The following NPAS3 variants were observed in gnomAD, a reference collection of about 807,000 sequenced individuals.
NPAS3 encodes neuronal PAS domain-containing protein 3.
In NPAS3, 14 loss-of-function variants were observed where a neutral mutation model predicts 73.1. That is an observed-to-expected ratio of 0.19 (90% CI 0.13 to 0.30). The LOEUF is 0.30. NPAS3 is among the 10% of genes least tolerant of loss of function. The pLI is 1.00. For missense variants in NPAS3, 1,096 were observed against 1,250.0 expected (o/e 0.88, Z 1.86); for synonymous variants, 620 against 541.5 (o/e 1.14, Z -2.01).
intron 5 of NPAS3, among the ~76,000 whole-genome samples, chr14:33,648,349 A>G (rs1486101197): frequency 6.6e-6 from 1 of 152,214 alleles, no homozygotes; most frequent in East Asian, 1.9e-4. Context: ...TCCTGCATAT[A>G]CACAAAAGTA....
At chr14:33,347,839 AG>A (rs1332390567) in intron 3 of NPAS3, among the ~76,000 whole-genome samples, 3 of 152,164 alleles carry the variant, frequency 2.0e-5, no homozygotes, top group South Asian at 2.1e-4. Context: ...GACAAGGAAA[AG>A]TCTGTACATG....
At chr14:33,704,154 C>T (rs567165221) in intron 6 of NPAS3, among the ~76,000 whole-genome samples, 74 of 152,218 alleles carry the variant, frequency 4.9e-4, no homozygotes, top group Non-Finnish European at 9.1e-4. Flanking sequence ...CACATAAATA[C>T]GCAGTGAAAT....
At chr14:33,689,726 A>G (rs2060183211) in intron 6 of NPAS3, among the ~76,000 whole-genome samples, 1 of 152,146 alleles carries the variant, frequency 6.6e-6, no homozygotes. Context: ...TCTATAATAT[A>G]CAATTTCTGT....
intron 5 of NPAS3, among the ~76,000 whole-genome samples, chr14:33,571,511 T>C (rs2056215143): frequency 6.6e-6 from 1 of 152,162 alleles, no homozygotes; most frequent in South Asian, 2.1e-4. Flanking sequence ...GCATATCTAC[T>C]GGGGTAAAGT....
At chr14:33,459,042 G>C (rs541780183) in intron 4 of NPAS3, among the ~76,000 whole-genome samples, 89 of 152,340 alleles carry the variant, frequency 5.8e-4, no homozygotes, top group Middle Eastern at 3.4e-3. Context: ...ACAAGGGGTG[G>C]ATTATTCATG....
At chr14:33,593,950 CATCACACCACAT>C (rs1187290576) in intron 5 of NPAS3, among the ~76,000 whole-genome samples, 4 of 152,168 alleles carry the variant, frequency 2.6e-5, no homozygotes, top group African/African-American at 9.7e-5. Flanking sequence ...TCTCAACACA[CATCACACCACAT>C]AATAATCATT....
At chr14:32,956,091 A>C (rs535100854) in intron 1 of NPAS3, among the ~76,000 whole-genome samples, 2 of 152,264 alleles carry the variant, frequency 1.3e-5, no homozygotes, top group South Asian at 4.1e-4. Context: ...CTTTCAAATG[A>C]TACCACCAAA....
At chr14:32,962,496 A>G (rs1166293367) in intron 1 of NPAS3, among the ~76,000 whole-genome samples, 3 of 151,904 alleles carry the variant, frequency 2.0e-5, no homozygotes, top group African/African-American at 7.3e-5. Context: ...ATCTAAGAAA[A>G]TGCTAAAATT....
At chr14:33,683,863 A>ATGGT (rs987679772) in intron 6 of NPAS3, among the ~76,000 whole-genome samples, 5 of 152,326 alleles carry the variant, frequency 3.3e-5, no homozygotes, top group Admixed American at 6.5e-5. Flanking sequence ...CACTGTGATA[A>ATGGT]TGGTTGGCAT....
chr14:33,523,765 G>A (rs1003301450), intron 4 of NPAS3, among the ~76,000 whole-genome samples: 15 of 151,952 alleles, frequency 9.9e-5, no homozygotes, highest in African/African-American at 3.6e-4. Flanking sequence ...GGGCGACAGA[G>A]CAAGACTTTG....
At chr14:33,228,942 A>T (rs1368248128) in intron 3 of NPAS3, among the ~76,000 whole-genome samples, 2 of 152,108 alleles carry the variant, frequency 1.3e-5, no homozygotes, top group Non-Finnish European at 2.9e-5. Flanking sequence ...TATTTTTTGA[A>T]CCTCTACTTT....
At chr14:33,108,568 G>A (rs749099568) in intron 2 of NPAS3, among the ~76,000 whole-genome samples, 27 of 152,112 alleles carry the variant, frequency 1.8e-4, no homozygotes, top group Non-Finnish European at 3.4e-4. Flanking sequence ...TTTGTCTTAA[G>A]AAGCAAATGC....
At chr14:33,007,454 A>T (rs2039038766) in intron 1 of NPAS3, among the ~76,000 whole-genome samples, 1 of 152,226 alleles carries the variant, frequency 6.6e-6, no homozygotes, top group African/African-American at 2.4e-5. Context: ...CCTATTTTAA[A>T]GGGAAATCTC....
At chr14:33,794,104 T>C (rs1156374760) in intron 10 of NPAS3, 60 bp downstream of exon 10, 8 of 1,464,562 alleles carry the variant, frequency 5.5e-6, no homozygotes, top group South Asian at 1.2e-5. Context: ...ATATAAAATA[T>C]GGCTATGGTT....
At chr14:33,432,011 G>A (rs1348378806) in intron 4 of NPAS3, among the ~76,000 whole-genome samples, 1 of 152,070 alleles carries the variant, frequency 6.6e-6, no homozygotes, top group East Asian at 1.9e-4. Context: ...ATCATTTTAT[G>A]TTTGAGAATA....
intron 3 of NPAS3, among the ~76,000 whole-genome samples, chr14:33,293,476 T>C (rs542831142): frequency 6.6e-6 from 1 of 152,248 alleles, no homozygotes; most frequent in South Asian, 2.1e-4. Context: ...ATGTTGTGAG[T>C]GATTTAATGA....
At chr14:33,459,871 C>G (rs1211875298) in intron 4 of NPAS3, among the ~76,000 whole-genome samples, 1 of 120,088 alleles carries the variant, frequency 8.3e-6, no homozygotes, top group Non-Finnish European at 1.8e-5. Flanking sequence ...ATAATCCGTT[C>G]TCTTCTCTTT....
At chr14:33,532,826 A>G (rs1475328237) in intron 4 of NPAS3, among the ~76,000 whole-genome samples, 1 of 152,144 alleles carries the variant, frequency 6.6e-6, no homozygotes, top group Admixed American at 6.6e-5. Flanking sequence ...GCTTCAGGAA[A>G]GGAAGCAGTA....
At chr14:33,412,295 T>C (rs1187548276) in intron 4 of NPAS3, among the ~76,000 whole-genome samples, 1 of 152,058 alleles carries the variant, frequency 6.6e-6, no homozygotes, top group Non-Finnish European at 1.5e-5. Context: ...AATTTTTGTA[T>C]TTTTTGTAGA....
Sources: allele counts gnomAD v4.1 joint callset (sites outside exome capture counted in the v4.1 genomes callset), GRCh38; gene constraint gnomAD v4.1.1; transcripts MANE v1.5; gene names NCBI Gene and HGNC (gene_info 2026-07-23, HGNC 2026-07-21).